SMCHD1: variants seen among roughly 807,000 people sequenced by gnomAD.
The protein encoded by SMCHD1 is structural maintenance of chromosomes flexible hinge domain-containing protein 1.
A neutral mutation model predicts 254.7 loss-of-function variants in SMCHD1; 78 were observed. That is an observed-to-expected ratio of 0.31 (90% CI 0.26 to 0.37). SMCHD1 has a LOEUF of 0.37. Among genes scored for constraint, SMCHD1 ranks in the 10% least tolerant of loss-of-function variants. The pLI is 1.00. For synonymous variants in SMCHD1, 766 were observed against 794.9 expected, an observed-to-expected ratio of 0.96 and a Z score of 0.61; for missense variants, 1,840 against 2,408.1, an observed-to-expected ratio of 0.76 and a Z score of 4.94.
chr18:2,690,449 T>C (rs1477563512), intron 7 of SMCHD1, among the ~76,000 whole-genome samples: 2 of 152,148 alleles, frequency 1.3e-5, no homozygotes. Context: ...TAGATTGTTA[T>C]AATTTTAATA....
intron 45 of SMCHD1, among the ~76,000 whole-genome samples, chr18:2,791,088 A>G (rs1417364933): frequency 6.6e-6 from 1 of 152,266 alleles, no homozygotes; most frequent in Non-Finnish European, 1.5e-5. Flanking sequence ...TAGCATTCAT[A>G]TAATCTTACA....
At chr18:2,669,404 G>A (rs1440060294) in intron 3 of SMCHD1, among the ~76,000 whole-genome samples, 2 of 152,096 alleles carry the variant, frequency 1.3e-5, no homozygotes, top group Non-Finnish European at 2.9e-5. Context: ...TCACTATGTT[G>A]CCCAGGCTGG....
chr18:2,781,706 A>T (rs1271169803), intron 44 of SMCHD1, among the ~76,000 whole-genome samples: 2 of 152,214 alleles, frequency 1.3e-5, no homozygotes, highest in Non-Finnish European at 2.9e-5. Flanking sequence ...GCTTCTAAAA[A>T]TCAAAAGATA....
Position 2,694,969 on chromosome 18 carries a change from G to A in SMCHD1, c.1040+276G>A, listed in dbSNP as rs497869. ...TAAAAAAGAACTTCACAGTTTGTCA[G>A]ATTGAGCACTATATCACTTCCATGA... On this transcript the variant is annotated intron_variant, in intron 8 of 47. Coordinates refer to ENST00000320876, the MANE Select transcript of SMCHD1 (RefSeq NM_015295.3). Among the ~76,000 whole-genome samples the A allele has an allele frequency of 0.85, 129,019 of 152,118 alleles. 58,080 individuals are homozygous for A. Among genetic ancestry groups the A allele is most frequent in the East Asian group, 1 (5,186 of 5,188 alleles).
rs1208221749 is a variant in SMCHD1 at position 2,743,786 on chromosome 18, G to A, written c.3659G>A (p.Arg1220Lys). The A allele has an allele frequency of 1.9e-6, 3 of 1,612,696 alleles. No homozygotes were observed. Among genetic ancestry groups the A allele is most frequent in the Non-Finnish European group, 2.5e-6 (3 of 1,179,328 alleles). ...FQENTQSISV[R>K]GIKFIPGPPG... ...GAAAACACACAGAGTATAAGTGTAAGAGGCATCAAATTTATTCCAGGTCCT... is the reference window on the plus strand; with the variant it reads ...GAAAACACACAGAGTATAAGTGTAAAAGGCATCAAATTTATTCCAGGTCCT... Residue 1220 changes from arginine (R) to lysine (K), a missense_variant, in exon 29 of 48, where the codon AGA becomes AAA. Around this residue, in one of 9 missense-constraint regions of SMCHD1, gnomAD observed 881 missense variants for 1,009.5 expected, o/e 0.87. Coordinates refer to ENST00000320876, the MANE Select transcript of SMCHD1 (RefSeq NM_015295.3).
At chr18:2,798,359 T>C (rs1048340312) in intron 47 of SMCHD1, among the ~76,000 whole-genome samples, 4 of 152,184 alleles carry the variant, frequency 2.6e-5, no homozygotes, top group African/African-American at 9.6e-5. Flanking sequence ...CAAAGTGTGT[T>C]GGGGCAGTTT....
At chr18:2,778,073 G>A in intron 43 of SMCHD1, 96 bp from the exon 44 acceptor site, 2 of 1,017,246 alleles carry the variant, frequency 2.0e-6, no homozygotes, top group Admixed American at 2.5e-5. Context: ...ACGAATACTA[G>A]CACTCTTTCA....
chr18:2,682,910 A>G (rs1212816029), intron 5 of SMCHD1, among the ~76,000 whole-genome samples: 3 of 152,204 alleles, frequency 2.0e-5, no homozygotes, highest in African/African-American at 4.8e-5. Flanking sequence ...TTCTAGACTC[A>G]TTAACACAAG....
At chr18:2,777,066 C>CG (rs960663060) in intron 42 of SMCHD1, among the ~76,000 whole-genome samples, 9 of 147,190 alleles carry the variant, frequency 6.1e-5, no homozygotes, top group Admixed American at 1.4e-4. Context: ...ACCACCTCCC[C>CG]CCCCCATACC....
At chr18:2,717,836 T>C (rs572279864) in intron 17 of SMCHD1, among the ~76,000 whole-genome samples, 1 of 152,358 alleles carries the variant, frequency 6.6e-6, no homozygotes, top group South Asian at 2.1e-4. Context: ...TTACATTATA[T>C]AATTCTAGAG....
intron 34 of SMCHD1, among the ~76,000 whole-genome samples, chr18:2,757,949 G>A (rs900787639): frequency 2.0e-5 from 3 of 151,708 alleles, no homozygotes; most frequent in South Asian, 2.1e-4. Context: ...CTCTAGTAAC[G>A]TTTTTGCCTT....
chr18:2,794,486 A>G (rs1166507655), intron 45 of SMCHD1, among the ~76,000 whole-genome samples: 1 of 152,158 alleles, frequency 6.6e-6, no homozygotes, highest in African/African-American at 2.4e-5. Flanking sequence ...ATTCTGGGTG[A>G]CAGAGTGAGA....
chr18:2,759,041 T>G (rs1034853885), intron 34 of SMCHD1, among the ~76,000 whole-genome samples: 41 of 152,328 alleles, frequency 2.7e-4, no homozygotes, highest in African/African-American at 8.9e-4. Flanking sequence ...AATTTCTGTT[T>G]GACGTTTTCA....
rs1465344496 is a variant in SMCHD1, at chr18:2,750,085, A to G, written c.3970A>G (p.Arg1324Gly). 2 of 1,579,718 alleles carry G rather than the reference A, an allele frequency of 1.3e-6. No individual in the cohort carries two copies. The highest frequency in any genetic ancestry group is 1.7e-6 in the Non-Finnish European group (2 of 1,161,022). ...ACAGCATAAAACAGATGAGAAAGGCAGGGCTAATTTGGGAGTATTCAGTGT... is the reference window on the plus strand; with the variant it reads ...ACAGCATAAAACAGATGAGAAAGGCGGGGCTAATTTGGGAGTATTCAGTGT... ...NQQHKTDEKG[R>G]ANLGVFSVFA... Residue 1324 changes from arginine (R) to glycine (G), a missense_variant, in exon 31 of 48, where the codon AGG becomes GGG. By Grantham distance (125) the Arg-to-Gly change is moderately radical. Coordinates refer to ENST00000320876, the MANE Select transcript of SMCHD1 (RefSeq NM_015295.3).
intron 47 of SMCHD1, chr18:2,800,844 G>A (rs2076348682): frequency 6.6e-6 from 1 of 151,978 alleles, no homozygotes; most frequent in African/African-American, 2.4e-5. Flanking sequence ...CACATATGAG[G>A]GTAGCCAGCA....
chr18:2,693,576 C>T (rs2074224937), intron 7 of SMCHD1, among the ~76,000 whole-genome samples: 1 of 152,232 alleles, frequency 6.6e-6, no homozygotes, highest in South Asian at 2.1e-4. Context: ...TGACATATGA[C>T]TGTATATGAA....
At chr18:2,688,274 T>G (rs2074097495) in intron 5 of SMCHD1, 120 bp from the exon 6 acceptor site, 1 of 672,552 alleles carries the variant, frequency 1.5e-6, no homozygotes, top group Admixed American at 2.5e-5. Flanking sequence ...TATTTCACCT[T>G]TCAGTTAGGG....
Position 2,729,350 on chromosome 18 carries a change from G to A in SMCHD1, c.2989G>A (p.Ala997Thr). Residue 997 changes from alanine (A) to threonine (T), a missense_variant, in exon 24 of 48, where the codon GCA becomes ACA. Physicochemically the swap from Ala to Thr is moderately conservative, Grantham distance 58. Around this residue, in one of 9 missense-constraint regions of SMCHD1, gnomAD observed 881 missense variants for 1,009.5 expected, o/e 0.87. Coordinates refer to ENST00000320876, the MANE Select transcript of SMCHD1 (RefSeq NM_015295.3). ...TGGAACCAGTATTTTAACAGGATCT[G>A]CAATTCAAGTTCAGAATATTAAAAA... ...SSGTSILTGS[A>T]IQVQNIKKDQ... is the part of the protein sequence containing the mutation. 1 of 1,557,822 alleles carries A rather than the reference G, an allele frequency of 6.4e-7. No homozygotes were observed. Among genetic ancestry groups the A allele is most frequent in the Non-Finnish European group, 8.7e-7 (1 of 1,150,904 alleles).
At chr18:2,674,423 A>C (rs1002542387) in intron 5 of SMCHD1, among the ~76,000 whole-genome samples, 1 of 152,310 alleles carries the variant, frequency 6.6e-6, no homozygotes, top group East Asian at 1.9e-4. Context: ...CTAACTCTGT[A>C]TAGCCTCTGT....
Sources: gnomAD v4.1 joint callset for allele counts (sites outside exome capture counted in the v4.1 genomes callset) on GRCh38, gnomAD v4.1.1 for gene constraint, gnomAD v4.1.1 regional missense constraint, MANE v1.5 for transcripts, NCBI Gene and HGNC (gene_info 2026-07-23, HGNC 2026-07-21) for gene names.